Variants in HERC4 observed in about 807,000 individuals in gnomAD.
HERC4 encodes probable E3 ubiquitin-protein ligase HERC4.
A neutral mutation model predicts 124.3 loss-of-function variants in HERC4; 28 were observed. That is an observed-to-expected ratio of 0.23 (90% CI 0.17 to 0.31). The LOEUF is 0.31. Ranked by LOEUF, HERC4 falls within the 10% of genes least tolerant of loss-of-function variation. The pLI, the probability that HERC4 is intolerant of heterozygous loss-of-function variation, is 1.00. For missense variants in HERC4, 713 were observed against 1,229.3 expected, an observed-to-expected ratio of 0.58 and a Z score of 6.28; for synonymous variants, 407 against 421.5, an observed-to-expected ratio of 0.97 and a Z score of 0.42.
At chr10:67,999,860 TCTTA>T (rs2037121229) in intron 9 of HERC4, among the ~76,000 whole-genome samples, 1 of 152,192 alleles carries the variant, frequency 6.6e-6, no homozygotes, top group Non-Finnish European at 1.5e-5. Flanking sequence ...GAATTCCATC[TCTTA>T]CTAAGTCTCC....
chr10:68,046,002 C>T (rs1245632705), intron 3 of HERC4, among the ~76,000 whole-genome samples: 1 of 152,012 alleles, frequency 6.6e-6, no homozygotes, highest in Non-Finnish European at 1.5e-5. Context: ...AAGTACTTAC[C>T]TACTCCTGAA....
chr10:68,056,032 G>C (rs2040532141), intron 3 of HERC4, among the ~76,000 whole-genome samples: 1 of 152,164 alleles, frequency 6.6e-6, no homozygotes, highest in Non-Finnish European at 1.5e-5. Context: ...ACAAGCGTAA[G>C]CCACCACGCC....
intron 19 of HERC4, among the ~76,000 whole-genome samples, chr10:67,950,250 C>G (rs1290643111): frequency 6.6e-6 from 1 of 151,800 alleles, no homozygotes. Flanking sequence ...ACCAGTGCAG[C>G]CTGAAGACTC....
At chr10:68,060,534 C>T (rs2040952567) in intron 3 of HERC4, among the ~76,000 whole-genome samples, 1 of 152,148 alleles carries the variant, frequency 6.6e-6, no homozygotes, top group Non-Finnish European at 1.5e-5. Flanking sequence ...CCACCGCGTC[C>T]AGCCATAAAT....
At chr10:67,941,461 C>T (rs34573894) in intron 19 of HERC4, among the ~76,000 whole-genome samples, 16,821 of 151,490 alleles carry the variant, frequency 0.11, 964 homozygotes, top group South Asian at 0.15. Flanking sequence ...AATACACATT[C>T]GAAATTTGGA....
chr10:67,977,878 G>A (rs891422317), intron 15 of HERC4, among the ~76,000 whole-genome samples: 4 of 152,014 alleles, frequency 2.6e-5, no homozygotes, highest in Admixed American at 2.0e-4. Flanking sequence ...CTACTTGGGA[G>A]GCTGAGGTGG....
At chr10:68,012,914 C>T (rs958493613) in intron 9 of HERC4, among the ~76,000 whole-genome samples, 3 of 152,072 alleles carry the variant, frequency 2.0e-5, no homozygotes, top group Non-Finnish European at 4.4e-5. Context: ...ACTAATTTAG[C>T]GATATAAGAC....
In HERC4 at chr10:67,978,304, A is replaced by T. The variant is rs554085766; in HGVS notation, c.1806+10359T>A. 1.7e-4 allele frequency among the ~76,000 whole-genome samples: 26 copies of T among 152,330 alleles called. No individual in the cohort carries two copies. The East Asian group carries it at 4.4e-3, about 26-fold the overall frequency. ...CAAAAAAACCCCTTGGGCCTCAAGG[A>T]AACACTGGCAGTATTCTGGCAGTAC... is the stretch of plus-strand genomic sequence containing the variant. On this transcript the variant is annotated intron_variant, in intron 15 of 24. Coordinates refer to ENST00000373700, the MANE Select transcript of HERC4 (RefSeq NM_015601.4).
At chr10:67,978,191 G>C (rs1488697996) in intron 15 of HERC4, among the ~76,000 whole-genome samples, 1 of 151,470 alleles carries the variant, frequency 6.6e-6, no homozygotes, top group East Asian at 2.0e-4. Context: ...CAGGAGAATC[G>C]CTTGAACCCA....
chr10:67,950,411 GATTACAGATGC>G (rs1369333023), intron 19 of HERC4, among the ~76,000 whole-genome samples: 1 of 152,048 alleles, frequency 6.6e-6, no homozygotes, highest in Non-Finnish European at 1.5e-5. Context: ...AAGTAGCTAG[GATTACAGATGC>G]ATTCCACCAT....
intron 8 of HERC4, among the ~76,000 whole-genome samples, chr10:68,022,500 AAAATAAATAAATAAATAAAT>A (rs34560535): frequency 6.3e-5 from 9 of 143,916 alleles, no homozygotes; most frequent in Non-Finnish European, 3.0e-5. Context: ...ACTCCATCTC[AAAATAAATAAATAAATAAAT>A]AAATAAATAA....
chr10:68,033,319 AT>A (rs2039305031), intron 6 of HERC4, among the ~76,000 whole-genome samples: 1 of 152,300 alleles, frequency 6.6e-6, no homozygotes, highest in Admixed American at 6.5e-5. Flanking sequence ...GTATTCTTTA[AT>A]TCTTTCTGAA....
rs1319239081 is a variant in HERC4 at position 67,922,438 on chromosome 10, C to G, written c.*493G>C. On this transcript the variant is annotated 3_prime_UTR_variant, in exon 25 of 25. Transcript: ENST00000373700. ...GTAAGATTTAAATCATAATTTTTAACCTTTAAAAGTCTGTTCAAGTTCAAT... is the reference window on the plus strand; with the variant it reads ...GTAAGATTTAAATCATAATTTTTAAGCTTTAAAAGTCTGTTCAAGTTCAAT... 1 of 151,948 alleles carries G rather than the reference C, an allele frequency of 6.6e-6. No individual in the cohort carries two copies. The highest frequency in any genetic ancestry group is 6.6e-5 in the Admixed American group (1 of 15,248). 9.4% of individuals were successfully genotyped at this position (151,948 alleles called of 1,614,324 possible).
intron 7 of HERC4, among the ~76,000 whole-genome samples, chr10:68,028,991 C>T (rs1170030006): frequency 2.0e-5 from 3 of 151,654 alleles, no homozygotes; most frequent in Admixed American, 2.0e-4. Context: ...GGCAATAAAG[C>T]GAGACACCAT....
At chr10:67,954,086 G>A (rs2033985170) in intron 19 of HERC4, 2 of 152,172 alleles carry the variant, frequency 1.3e-5, no homozygotes, top group East Asian at 3.8e-4. Flanking sequence ...CAAATATTTT[G>A]GGGTTTCCTG....
At chr10:67,960,842 T>C in intron 16 of HERC4, 1 of 273,654 alleles carries the variant, frequency 3.7e-6, no homozygotes, top group Non-Finnish European at 7.0e-6. Context: ...TCTTCAGCAT[T>C]TTTACTTTTC....
At chr10:67,980,408 C>T (rs1033494563) in intron 15 of HERC4, among the ~76,000 whole-genome samples, 8 of 152,266 alleles carry the variant, frequency 5.3e-5, no homozygotes, top group Admixed American at 3.9e-4. Flanking sequence ...GCTGGGATTA[C>T]AGCCATGAGC....
chr10:67,962,844 A>C (rs1161852042), intron 16 of HERC4, among the ~76,000 whole-genome samples: 1 of 152,234 alleles, frequency 6.6e-6, no homozygotes, highest in Non-Finnish European at 1.5e-5. Flanking sequence ...GTCAGAATAA[A>C]AGCTACTGCC....
At chr10:67,930,469 G>GT in intron 23 of HERC4, among the ~76,000 whole-genome samples, 1 of 152,238 alleles carries the variant, frequency 6.6e-6, no homozygotes, top group African/African-American at 2.4e-5. Context: ...GCAAATGTAT[G>GT]TTTAACTTTT....
Sources: gnomAD v4.1 joint callset for allele counts (sites outside exome capture counted in the v4.1 genomes callset) on GRCh38, gnomAD v4.1.1 for gene constraint, MANE v1.5 for transcripts, NCBI Gene and HGNC (gene_info 2026-07-23, HGNC 2026-07-21) for gene names.